Variants in PSD3 observed in about 807,000 individuals in gnomAD.
The protein encoded by PSD3 is PH and SEC7 domain-containing protein 3.
A neutral mutation model predicts 105.5 loss-of-function variants in PSD3; 49 were observed. The observed-to-expected ratio is 0.46, with a 90% CI of 0.37 to 0.59. The LOEUF is 0.59. Among genes scored for constraint, PSD3 ranks in the 20% least tolerant of loss-of-function variants. The pLI is 0.00. For missense variants in PSD3, 1,561 were observed against 1,263.8 expected (o/e 1.24, Z -3.57); for synonymous variants, 557 against 457.8 (o/e 1.22, Z -2.77).
intron 1 of PSD3, among the ~76,000 whole-genome samples, chr8:18,958,002 C>T (rs115941346): frequency 0.014 from 2,195 of 152,152 alleles, 69 homozygotes; most frequent in African/African-American, 0.05. Flanking sequence ...ACACATATGC[C>T]CTTTTATCCA....
At chr8:18,953,503 C>T (rs1252098451) in intron 1 of PSD3, among the ~76,000 whole-genome samples, 1 of 152,204 alleles carries the variant, frequency 6.6e-6, no homozygotes, top group East Asian at 1.9e-4. Flanking sequence ...AATCCCAGCA[C>T]TTTGGGAGGC....
chr8:18,963,192 G>A (rs566120943), intron 1 of PSD3, among the ~76,000 whole-genome samples: 7 of 152,180 alleles, frequency 4.6e-5, no homozygotes, highest in South Asian at 2.1e-4. Flanking sequence ...TGGGGGAACC[G>A]CCCCCATGAT....
At chr8:18,990,695 T>A (rs148946196) in intron 1 of PSD3, among the ~76,000 whole-genome samples, 282 of 152,344 alleles carry the variant, frequency 1.9e-3, no homozygotes, top group African/African-American at 6.5e-3. Flanking sequence ...TGAAATTTTT[T>A]AAAACAGAAT....
chr8:18,770,508 A>C (rs2129444239), intron 8 of PSD3, among the ~76,000 whole-genome samples: 1 of 152,318 alleles, frequency 6.6e-6, no homozygotes, highest in East Asian at 1.9e-4. Flanking sequence ...ATATGGGAGT[A>C]TATGAGCACT....
chr8:18,752,564 ATTAT>A (rs545357149), intron 9 of PSD3, among the ~76,000 whole-genome samples: 36 of 79,894 alleles, frequency 4.5e-4, no homozygotes, highest in African/African-American at 2.8e-3. Flanking sequence ...AATTATATAT[ATTAT>A]ATATATAATT....
chr8:18,685,000 G>T (rs1162550059), intron 9 of PSD3, among the ~76,000 whole-genome samples: 3 of 152,184 alleles, frequency 2.0e-5, no homozygotes, highest in Non-Finnish European at 4.4e-5. Flanking sequence ...GCATCCCAGG[G>T]ACAGAGGCTC....
chr8:19,051,194 C>G (rs775478418), intron 1 of PSD3, among the ~76,000 whole-genome samples: 3 of 152,148 alleles, frequency 2.0e-5, no homozygotes, highest in Non-Finnish European at 4.4e-5. Flanking sequence ...AGAGACCCTC[C>G]TCCCTCTGGT....
intron 1 of PSD3, among the ~76,000 whole-genome samples, chr8:19,038,932 TA>T (rs1828034872): frequency 6.6e-6 from 1 of 152,216 alleles, no homozygotes; most frequent in Admixed American, 6.5e-5. Context: ...TAGATAGATT[TA>T]AAATCTTGCC....
chr8:18,757,419 A>G (rs906750897), intron 9 of PSD3, among the ~76,000 whole-genome samples: 7 of 152,230 alleles, frequency 4.6e-5, no homozygotes, highest in African/African-American at 1.7e-4. Context: ...AGCAGAGATC[A>G]TGCCACTGCA....
chr8:18,666,220 T>A (rs1361441172), intron 9 of PSD3, among the ~76,000 whole-genome samples: 1 of 152,206 alleles, frequency 6.6e-6, no homozygotes, highest in East Asian at 1.9e-4. Flanking sequence ...CCTGTTTATT[T>A]TTGTATTTTT....
chr8:18,633,389 G>A (rs1010912473), intron 10 of PSD3, among the ~76,000 whole-genome samples: 3 of 151,974 alleles, frequency 2.0e-5, no homozygotes, highest in African/African-American at 4.8e-5. Flanking sequence ...CAGTGCTTTG[G>A]CATGTGACAG....
At chr8:18,817,002 C>A (rs980225455) in intron 4 of PSD3, among the ~76,000 whole-genome samples, 1 of 152,112 alleles carries the variant, frequency 6.6e-6, no homozygotes, top group South Asian at 2.1e-4. Context: ...AAGCTATCTT[C>A]AGATCATTTC....
intron 9 of PSD3, among the ~76,000 whole-genome samples, chr8:18,687,220 T>G (rs1158657493): frequency 1.3e-5 from 2 of 152,176 alleles, no homozygotes; most frequent in Admixed American, 6.5e-5. Flanking sequence ...TCCCAGCACT[T>G]TGGGAGGCCA....
chr8:19,013,077 C>T (rs1434380401), intron 1 of PSD3, among the ~76,000 whole-genome samples: 1 of 152,094 alleles, frequency 6.6e-6, no homozygotes, highest in African/African-American at 2.4e-5. Context: ...AAGTTAAATG[C>T]ATGTAAAACA....
chr8:18,875,117 C>T (rs1817644858), intron 2 of PSD3, among the ~76,000 whole-genome samples: 1 of 152,162 alleles, frequency 6.6e-6, no homozygotes, highest in African/African-American at 2.4e-5. Context: ...TGGGGTCTCA[C>T]TGTGTTGCCC....
At chr8:18,981,401 G>T (rs1187879932) in intron 1 of PSD3, among the ~76,000 whole-genome samples, 1 of 152,158 alleles carries the variant, frequency 6.6e-6, no homozygotes, top group Non-Finnish European at 1.5e-5. Context: ...TTGAAGCCCA[G>T]ATTCTATCAC....
In PSD3 at chr8:18,867,916, T is replaced by C. The variant is rs369397730; in HGVS notation, c.1392A>G (p.Leu464=). The C allele has an allele frequency of 1.1e-5, 18 of 1,614,086 alleles. No homozygotes were observed. The highest frequency in any genetic ancestry group is 2.2e-5 in the South Asian group (2 of 91,084). ...TAAAATAGCTATCAGGCTCTGAGTA[T>C]AATGTCTCCAGGGACTCTGCACTGT... The part of the protein sequence containing the change: ...LYYSAESLET[L]YSEPDSYFSF... Residue 464 remains leucine (L), a synonymous_variant, in exon 4 of 16, where the codon TTA becomes TTG. Transcript: ENST00000327040.
At chr8:18,762,552 T>C (rs994929046) in intron 9 of PSD3, among the ~76,000 whole-genome samples, 2 of 152,250 alleles carry the variant, frequency 1.3e-5, no homozygotes, top group African/African-American at 2.4e-5. Context: ...TATCACTGGT[T>C]GTCTTCTGAT....
chr8:18,747,155 G>T (rs1009502805), intron 9 of PSD3, among the ~76,000 whole-genome samples: 1 of 152,180 alleles, frequency 6.6e-6, no homozygotes, highest in Non-Finnish European at 1.5e-5. Flanking sequence ...TAATACTAAC[G>T]ATTTAAAAAT....
Sources: gnomAD v4.1 joint callset for allele counts (sites outside exome capture counted in the v4.1 genomes callset) on GRCh38, gnomAD v4.1.1 for gene constraint, MANE v1.5 for transcripts, NCBI Gene and HGNC (gene_info 2026-07-23, HGNC 2026-07-21) for gene names.